The following TEKT2 variants were observed in gnomAD, a reference collection of about 807,000 sequenced individuals.
TEKT2 encodes tektin 2.
In TEKT2, 45 loss-of-function variants were observed where a neutral mutation model predicts 49.8. That is an observed-to-expected ratio of 0.90 (90% CI 0.71 to 1.16). TEKT2 has a LOEUF of 1.16. Among genes scored for constraint, TEKT2 ranks in the 50% most tolerant of loss-of-function variants. The pLI, the probability that TEKT2 is intolerant of heterozygous loss-of-function variation, is 0.00. For synonymous variants in TEKT2, 202 were observed against 224.6 expected, an observed-to-expected ratio of 0.90 and a Z score of 0.90; for missense variants, 523 against 551.4, an observed-to-expected ratio of 0.95 and a Z score of 0.52.
Position 36,085,058 on chromosome 1 carries a change from GCA to G in TEKT2, c.138_139del (p.Asn47ArgfsTer10). On this transcript the variant is annotated frameshift_variant, in exon 2 of 10. Transcript: ENST00000207457. LOFTEE classifies it high-confidence loss of function. ...ATCCGCCAGGAGGCCCGGGTGCTCCGCAACGAGACCAACAACCAGGTTGGGGA... is the reference window on the plus strand; with the variant it reads ...ATCCGCCAGGAGGCCCGGGTGCTCCGACGAGACCAACAACCAGGTTGGGGA... 1 of 1,614,108 alleles carries G rather than the reference GCA, an allele frequency of 6.2e-7. No individual in the cohort carries two copies. Among genetic ancestry groups the G allele is most frequent in the Non-Finnish European group, 8.5e-7 (1 of 1,180,046 alleles).
rs926357540 is a variant in TEKT2 at position 36,088,202 on chromosome 1, G to A, written c.*16G>A. The A allele has an allele frequency of 1.9e-6, 3 of 1,597,786 alleles. No individual in the cohort carries two copies. Among genetic ancestry groups the A allele is most frequent in the Non-Finnish European group, 2.6e-6 (3 of 1,167,606 alleles). On this transcript the variant is annotated 3_prime_UTR_variant, in exon 10 of 10. Coordinates refer to ENST00000207457, the MANE Select transcript of TEKT2 (RefSeq NM_014466.3). The stretch of plus-strand genomic sequence containing the variant: ...GCTGGCCTAGCCTTGGAGGACTGCA[G>A]GAGGAGGGCAGGGTTGGGTGGGCAA...
intron 4 of TEKT2, 30 bp downstream of exon 4, chr1:36,086,071 C>A: frequency 6.4e-7 from 1 of 1,553,982 alleles, no homozygotes; most frequent in South Asian, 1.2e-5. Context: ...TCCGCATGTT[C>A]ATGGGCCCCT....
At position 36,084,497 on chromosome 1, in the gene TEKT2, G is replaced by C. The variant is rs1643335669; in HGVS notation, c.-53+348G>C. Reference sequence around the variant, plus strand: ...CCCGCAGCCTGGGGAAGAAAGGAAAGGAAGATCAACAAGGCATGGTTGGCT... The same window carrying C: ...CCCGCAGCCTGGGGAAGAAAGGAAACGAAGATCAACAAGGCATGGTTGGCT... On this transcript the variant is annotated intron_variant, in intron 1 of 9. Transcript: ENST00000207457. The surrounding 1 kb of genome is among the most constrained non-coding windows in gnomAD (Gnocchi z 4.1). The C allele has an allele frequency of 3.5e-6, 1 of 286,270 alleles. No homozygotes were observed. The highest frequency in any genetic ancestry group is 6.8e-6 in the Non-Finnish European group (1 of 147,078). 17.7% of individuals were successfully genotyped at this position (286,270 alleles called of 1,614,324 possible). A position where few individuals can be genotyped will look rare whatever the true frequency, so the allele number is the denominator to read the frequency against.
chr1:36,086,062 C>G (rs1227349122), intron 4 of TEKT2, 21 bp downstream of exon 4: 3 of 1,558,218 alleles, frequency 1.9e-6, no homozygotes, highest in Non-Finnish European at 1.7e-6. Flanking sequence ...GGCAGGTCGT[C>G]CGCATGTTCA....
chr1:36,087,586 AG>A lies in TEKT2; in HGVS notation c.999+5del. 6.2e-7 allele frequency: 1 copy of A among 1,613,730 alleles called. No homozygotes were observed. Among genetic ancestry groups the A allele is most frequent in the Non-Finnish European group, 8.5e-7 (1 of 1,180,030 alleles). ...CGTGGAACTCTGCCGGGACCAGGTG[AG>A]AGGGTGTCCCAGTGGCGCACGGGCC... On this transcript the variant is annotated splice_donor_5th_base_variant and intron_variant, in intron 8 of 9. Coordinates refer to ENST00000207457, the MANE Select transcript of TEKT2 (RefSeq NM_014466.3). The surrounding 1 kb of genome is among the most constrained non-coding windows in gnomAD (Gnocchi z 4.9).
chr1:36,086,492 G>T (rs1011626311), intron 4 of TEKT2, among the ~76,000 whole-genome samples: 6 of 151,592 alleles, frequency 4.0e-5, no homozygotes, highest in Non-Finnish European at 8.8e-5. Flanking sequence ...TAGGGCACGT[G>T]GGGGCAGCAT....
rs932760891 is a variant in TEKT2 at position 36,084,749 on chromosome 1, A to G, written c.-52-121A>G. On this transcript the variant is annotated intron_variant, in intron 1 of 9. Coordinates refer to ENST00000207457, the MANE Select transcript of TEKT2 (RefSeq NM_014466.3). This position sits in a 1 kb window ranked among gnomAD's most constrained non-coding sequence, Gnocchi z 4.1. ...GTTGAGTAAAGCAAGGGCTGTCTCCAAGCAGGCTTCCAGCAGGACAGGGCT... is the reference window on the plus strand; with the variant it reads ...GTTGAGTAAAGCAAGGGCTGTCTCCGAGCAGGCTTCCAGCAGGACAGGGCT... The G allele has an allele frequency of 3.3e-6, 3 of 918,344 alleles. No individual in the cohort carries two copies. The East Asian group carries it at 7.6e-5, about 23-fold the overall frequency. 56.9% of individuals were successfully genotyped at this position (918,344 alleles called of 1,614,324 possible).
At position 36,086,843 on chromosome 1, in the gene TEKT2, G is replaced by C; in HGVS notation, c.628G>C (p.Asp210His). 2 of 1,614,152 alleles carry C rather than the reference G, an allele frequency of 1.2e-6. No individual in the cohort carries two copies. The highest frequency in any genetic ancestry group is 2.2e-5 in the East Asian group (1 of 44,886). Reference sequence around the variant, plus strand: ...GAAGGTTGACCCCACACGTGTACCTGATGGGTAAGAAGAGTGTTTCAGCCA... The same window carrying C: ...GAAGGTTGACCCCACACGTGTACCTCATGGGTAAGAAGAGTGTTTCAGCCA... ...SLKVDPTRVP[D>H]GSTTLQQWDD... The change falls in exon 5 of 10, where the codon GAT (aspartate) becomes CAT (histidine). Residue 210 changes from aspartate to histidine, a missense_variant. By Grantham distance (81) the Asp-to-His change is moderately conservative. Transcript: ENST00000207457.
chr1:36,085,235 A>G lies in TEKT2; in HGVS notation c.229A>G (p.Met77Val). ...RIDTVNRWKE[M>V]LDKCLTDLDA... ...TGATACTGTCAACCGGTGGAAGGAG[A>G]TGCTGGACAAGTGTCTGACAGATTT... Residue 77 changes from methionine (M) to valine (V), a missense_variant, in exon 3 of 10, where the codon ATG (methionine) becomes GTG (valine). Met to Val is a conservative substitution (Grantham distance 21, BLOSUM62 1). Coordinates refer to ENST00000207457, the MANE Select transcript of TEKT2 (RefSeq NM_014466.3). 6.2e-7 allele frequency: 1 copy of G among 1,614,146 alleles called. No homozygotes were observed. Among genetic ancestry groups the G allele is most frequent in the Non-Finnish European group, 8.5e-7 (1 of 1,180,026 alleles).
chr1:36,087,596 C>T lies in TEKT2; in HGVS notation c.999+14C>T. 1.2e-6 allele frequency: 2 copies of T among 1,613,670 alleles called. No homozygotes were observed. The highest frequency in any genetic ancestry group is 1.7e-6 in the Non-Finnish European group (2 of 1,180,006). The stretch of plus-strand genomic sequence containing the variant: ...TGCCGGGACCAGGTGAGAGGGTGTC[C>T]CAGTGGCGCACGGGCCCCCTAGCCA... On this transcript the variant is annotated intron_variant, in intron 8 of 9. Coordinates refer to ENST00000207457, the MANE Select transcript of TEKT2 (RefSeq NM_014466.3). The surrounding 1 kb of genome is among the most constrained non-coding windows in gnomAD (Gnocchi z 4.9).
rs777456669 is a variant in TEKT2 at position 36,086,789 on chromosome 1, C to A, written c.574C>A (p.Leu192Ile). ...TLEIDRGCLS[L>I]NLRSPNISLK... ...AGAGATCGACAGAGGCTGTCTCTCT[C>A]TCAACCTCAGATCCCCAAACATCTC... Residue 192 changes from leucine (L) to isoleucine (I), a missense_variant, in exon 5 of 10, where the codon CTC (leucine) becomes ATC (isoleucine). Transcript: ENST00000207457. 1 of 1,614,194 alleles carries A rather than the reference C, an allele frequency of 6.2e-7. No individual in the cohort carries two copies. Among genetic ancestry groups the A allele is most frequent in the South Asian group, 1.1e-5 (1 of 91,082 alleles).
Position 36,087,507 on chromosome 1 carries a change from C to A in TEKT2, c.924C>A (p.Leu308=), listed in dbSNP as rs758165854. 8 of 1,613,836 alleles carry A rather than the reference C, an allele frequency of 5.0e-6. No individual in the cohort carries two copies. Among genetic ancestry groups the A allele is most frequent in the Non-Finnish European group, 6.8e-6 (8 of 1,180,020 alleles). ...RHLEEDLRTK[L]LSLKLSHTRL... Reference sequence around the variant, plus strand: ...TGGAGGAGGATCTGCGCACAAAGCTCCTGAGCCTGAAGCTGTCCCATACCC... The same window carrying A: ...TGGAGGAGGATCTGCGCACAAAGCTACTGAGCCTGAAGCTGTCCCATACCC... Residue 308 remains leucine (L), a synonymous_variant, in exon 8 of 10, where the codon CTC becomes CTA. Coordinates refer to ENST00000207457, the MANE Select transcript of TEKT2 (RefSeq NM_014466.3). This position sits in a 1 kb window ranked among gnomAD's most constrained non-coding sequence, Gnocchi z 4.9.
Position 36,086,037 on chromosome 1 carries a change from C to G in TEKT2, c.484C>G (p.Leu162Val). 1 of 1,577,660 alleles carries G rather than the reference C, an allele frequency of 6.3e-7. No homozygotes were observed. The highest frequency in any genetic ancestry group is 8.6e-7 in the Non-Finnish European group (1 of 1,161,184). The change falls in exon 4 of 10, where the codon CTC becomes GTC. Residue 162 changes from leucine to valine, a missense_variant. Leu to Val is a conservative substitution (Grantham distance 32). Coordinates refer to ENST00000207457, the MANE Select transcript of TEKT2 (RefSeq NM_014466.3). Reference protein sequence around the residue: ...QQKVSQAFEQLCLLQEVQQQL... With the variant: ...QQKVSQAFEQVCLLQEVQQQL... ...GAAGGTCAGCCAGGCCTTCGAGCAGCTCTGGTAAGGGAGAGGCAGGTCGTC... is the reference window on the plus strand; with the variant it reads ...GAAGGTCAGCCAGGCCTTCGAGCAGGTCTGGTAAGGGAGAGGCAGGTCGTC...
rs758959693 is a variant in TEKT2, at chr1:36,085,984, T to A, written c.431T>A (p.Ile144Asn). The change falls in exon 4 of 10, where the codon ATC becomes AAC. Residue 144 changes from isoleucine (I) to asparagine (N), a missense_variant. Physicochemically the swap from Ile to Asn is moderately radical, Grantham distance 149. Transcript: ENST00000207457. ...EDELHKEVEV[I>N]EATKKALQQK... ...GAGCTGCATAAAGAGGTGGAGGTCA[T>A]CGAGGCCACCAAGAAGGCCTTGCAA... The A allele has an allele frequency of 4.3e-6, 7 of 1,610,324 alleles. No individual in the cohort carries two copies. Among genetic ancestry groups the A allele is most frequent in the Non-Finnish European group, 5.9e-6 (7 of 1,178,258 alleles).
At position 36,084,756 on chromosome 1, in the gene TEKT2, C is replaced by A; in HGVS notation, c.-52-114C>A. 2.0e-6 allele frequency: 2 copies of A among 988,760 alleles called. No homozygotes were observed. The highest frequency in any genetic ancestry group is 1.6e-6 in the Non-Finnish European group (1 of 637,178). 61.2% of individuals were successfully genotyped at this position (988,760 alleles called of 1,614,324 possible). On this transcript the variant is annotated intron_variant, in intron 1 of 9. Transcript: ENST00000207457. The surrounding 1 kb of genome is among the most constrained non-coding windows in gnomAD (Gnocchi z 4.1). Reference sequence around the variant, plus strand: ...AAAGCAAGGGCTGTCTCCAAGCAGGCTTCCAGCAGGACAGGGCTCAGAGCA... The same window carrying A: ...AAAGCAAGGGCTGTCTCCAAGCAGGATTCCAGCAGGACAGGGCTCAGAGCA...
chr1:36,087,763 A>G lies in TEKT2; in HGVS notation c.1035A>G (p.Leu345=), dbSNP rs765304034. Residue 345 remains leucine, a synonymous_variant, in exon 9 of 10, where the codon CTA becomes CTG. Transcript: ENST00000207457. The surrounding 1 kb of genome is among the most constrained non-coding windows in gnomAD (Gnocchi z 4.9). Reference sequence around the variant, plus strand: ...GCCTCACCGACGAGGTTCACCAGCTAGAGGCAACCATCGCTGCCCTGAAGC... The same window carrying G: ...GCCTCACCGACGAGGTTCACCAGCTGGAGGCAACCATCGCTGCCCTGAAGC... ...QYGLTDEVHQ[L]EATIAALKQK... 1.2e-6 allele frequency: 2 copies of G among 1,613,838 alleles called. No individual in the cohort carries two copies. The highest frequency in any genetic ancestry group is 2.2e-5 in the South Asian group (2 of 91,064).
chr1:36,087,658 C>T lies in TEKT2; in HGVS notation c.1000-70C>T, dbSNP rs1296376129. On this transcript the variant is annotated intron_variant, in intron 8 of 9. Coordinates refer to ENST00000207457, the MANE Select transcript of TEKT2 (RefSeq NM_014466.3). The surrounding 1 kb of genome is among the most constrained non-coding windows in gnomAD (Gnocchi z 4.9). Reference sequence around the variant, plus strand: ...TATTCCTGATGGAGCAAGGGCACTGCTGTCAAGGGGCAGCACTCAGGTAAA... The same window carrying T: ...TATTCCTGATGGAGCAAGGGCACTGTTGTCAAGGGGCAGCACTCAGGTAAA... 9.3e-6 allele frequency: 15 copies of T among 1,612,284 alleles called. No homozygotes were observed. In the East Asian group the frequency reaches 3.1e-4, roughly 34 times the overall value.
At chr1:36,086,154 G>A in intron 4 of TEKT2, 113 bp downstream of exon 4, 2 of 1,246,876 alleles carry the variant, frequency 1.6e-6, no homozygotes, top group Non-Finnish European at 2.3e-6. Context: ...GCTACATTTT[G>A]GCCCTCTGGT....
Position 36,086,694 on chromosome 1 carries a change from C to T in TEKT2, c.489-10C>T. The T allele has an allele frequency of 6.2e-7, 1 of 1,614,054 alleles. No individual in the cohort carries two copies. Among genetic ancestry groups the T allele is most frequent in the Non-Finnish European group, 8.5e-7 (1 of 1,180,000 alleles). ...GGGGATGGTCCTGATGGAGTCTGCG[C>T]TTTCCCCAGCCTCTTGCAGGAAGTC... On this transcript the variant is annotated splice_polypyrimidine_tract_variant and intron_variant, in intron 4 of 9. Transcript: ENST00000207457.
Sources: allele counts gnomAD v4.1 joint callset (sites outside exome capture counted in the v4.1 genomes callset), GRCh38; gene constraint gnomAD v4.1.1; non-coding constraint Gnocchi (gnomAD v3.1); transcripts MANE v1.5; gene names NCBI Gene and HGNC (gene_info 2026-07-23, HGNC 2026-07-21).